The following PLAGL1 variants were observed in gnomAD, a reference collection of about 807,000 sequenced individuals.
The protein encoded by PLAGL1 is zinc finger protein PLAGL1.
Under a neutral mutation model 4.6 loss-of-function variants are expected in PLAGL1, and 1 was observed. That is an observed-to-expected ratio of 0.22 (90% CI 0.08 to 1.03). The LOEUF (loss-of-function observed/expected upper bound fraction) is 1.03. Among genes scored for constraint, PLAGL1 ranks in the 50% least tolerant of loss-of-function variants. The pLI is 0.58. For missense variants in PLAGL1, 464 were observed against 570.4 expected (o/e 0.81, Z 1.90); for synonymous variants, 240 against 237.8 (o/e 1.01, Z -0.08).
rs1313359179 is a variant in PLAGL1, at chr6:143,963,536, C to A, written c.-399+1251G>T. ...CAACCGCATGAGTAGGTAGCATTAA[C>A]CCTATTTGATTAATGGGGAAAGTAA... On this transcript the variant is annotated intron_variant, in intron 5 of 7. Coordinates refer to ENST00000674357, the MANE Select transcript of PLAGL1 (RefSeq NM_001317162.2). The surrounding 1 kb of genome is among the most constrained non-coding windows in gnomAD (Gnocchi z 6.1). Among the ~76,000 whole-genome samples the A allele has an allele frequency of 1.3e-5, 2 of 152,154 alleles. No homozygotes were observed. The highest frequency in any genetic ancestry group is 1.5e-5 in the Non-Finnish European group (1 of 68,032).
intron 1 of PLAGL1, among the ~76,000 whole-genome samples, chr6:144,032,191 G>T (rs112589875): frequency 8.0e-4 from 120 of 150,894 alleles, no homozygotes; most frequent in African/African-American, 2.7e-3. Context: ...CACAATCACA[G>T]CTCACTGCAG....
intron 1 of PLAGL1, among the ~76,000 whole-genome samples, chr6:144,040,433 G>A (rs867243659): frequency 6.6e-6 from 1 of 151,930 alleles, no homozygotes; most frequent in Non-Finnish European, 1.5e-5. Flanking sequence ...GGAGGCTGAG[G>A]CAGGCAAATC....
rs765167186 is a variant in PLAGL1 at position 144,006,368 on chromosome 6, C to T, written c.-584+1722G>A. 3.3e-5 allele frequency: 5 copies of T among 152,170 alleles called. No individual in the cohort carries two copies. Among genetic ancestry groups the T allele is most frequent in the East Asian group, 1.9e-4 (1 of 5,200 alleles). The allele number at this position is 152,170 out of a possible 1,614,324, so 9.4% of individuals were successfully genotyped here. A position where few individuals can be genotyped will look rare whatever the true frequency, so the allele number is the denominator to read the frequency against. ...TTAACAAAGAGTTACAAAGCAAACA[C>T]CCATGTAACCATTGCACAGGTCAGG... On this transcript the variant is annotated intron_variant, in intron 1 of 7. Transcript: ENST00000674357. The surrounding 1 kb of genome is among the most constrained non-coding windows in gnomAD (Gnocchi z 4.3).
chr6:144,041,297 A>G (rs184144711), intron 1 of PLAGL1, among the ~76,000 whole-genome samples: 2 of 152,196 alleles, frequency 1.3e-5, no homozygotes, highest in Non-Finnish European at 2.9e-5. Flanking sequence ...CTCATCATTT[A>G]CATTAGGTAT....
Position 143,952,197 on chromosome 6 carries a change from C to G in PLAGL1, c.-324-3737G>C, listed in dbSNP as rs1459513636. On this transcript the variant is annotated intron_variant, in intron 6 of 7. Coordinates refer to ENST00000674357, the MANE Select transcript of PLAGL1 (RefSeq NM_001317162.2). This position sits in a 1 kb window ranked among gnomAD's most constrained non-coding sequence, Gnocchi z 6.1. Reference sequence around the variant, plus strand: ...GTTCAAAGGCTGTTTACTGATGAGTCCAATCTTTGGTTGAAACCCAATGCA... The same window carrying G: ...GTTCAAAGGCTGTTTACTGATGAGTGCAATCTTTGGTTGAAACCCAATGCA... 6.6e-6 allele frequency among the ~76,000 whole-genome samples: 1 copy of G among 152,170 alleles called. No individual in the cohort carries two copies. The highest frequency in any genetic ancestry group is 1.9e-4 in the East Asian group (1 of 5,196).
In PLAGL1 at chr6:144,061,720, A is replaced by T. The variant is rs1799419507; in HGVS notation, c.-151+2748T>A. Among the ~76,000 whole-genome samples the T allele has an allele frequency of 6.6e-6, 1 of 152,166 alleles. No individual in the cohort carries two copies. Among genetic ancestry groups the T allele is most frequent in the African/African-American group, 2.4e-5 (1 of 41,438 alleles). ...AGGAAGAAGTTGGCAGCCAGATTTG[A>T]TTCACTTATTCCTTTTCTACTCCCC... On this transcript the variant is annotated intron_variant, in intron 1 of 3. Coordinates refer to the PLAGL1 transcript ENST00000437412. This position sits in a 1 kb window ranked among gnomAD's most constrained non-coding sequence, Gnocchi z 4.4.
upstream of PLAGL1, among the ~76,000 whole-genome samples, chr6:144,011,457 A>G (rs771289981): frequency 1.1e-4 from 16 of 152,282 alleles, no homozygotes; most frequent in Non-Finnish European, 1.8e-4. This position sits in a 1 kb window ranked among gnomAD's most constrained non-coding sequence, Gnocchi z 4.3. Context: ...CTGCTTGGAT[A>G]CCTGAAGAAT....
rs1213355605 is a variant in PLAGL1, at chr6:143,953,646, G to A, written c.-324-5186C>T. ...AAAATTCTACTAAAACAGTAATAGTGGGATTTTTCTAAAACACAGCCTAAT... is the reference window on the plus strand; with the variant it reads ...AAAATTCTACTAAAACAGTAATAGTAGGATTTTTCTAAAACACAGCCTAAT... On this transcript the variant is annotated intron_variant, in intron 6 of 7. Transcript: ENST00000674357. The surrounding 1 kb of genome is among the most constrained non-coding windows in gnomAD (Gnocchi z 5.3). Among the ~76,000 whole-genome samples, 3 of 152,158 alleles carry A rather than the reference G, an allele frequency of 2.0e-5. No homozygotes were observed. Among genetic ancestry groups the A allele is most frequent in the African/African-American group, 7.2e-5 (3 of 41,430 alleles).
intron 1 of PLAGL1, among the ~76,000 whole-genome samples, chr6:144,033,564 A>G (rs1051526603): frequency 6.6e-6 from 1 of 152,208 alleles, no homozygotes; most frequent in Non-Finnish European, 1.5e-5. Flanking sequence ...ACACATTACT[A>G]GAAACTGCAG....
At chr6:144,013,108 T>C (rs1428158474), upstream of PLAGL1, among the ~76,000 whole-genome samples, 1 of 152,238 alleles carries the variant, frequency 6.6e-6, no homozygotes, top group East Asian at 1.9e-4. This position sits in a 1 kb window ranked among gnomAD's most constrained non-coding sequence, Gnocchi z 4.4. Context: ...ACAAATTCCA[T>C]AATCACACTT....
rs1787313646 is a variant in PLAGL1 at position 143,979,080 on chromosome 6, T to A, written c.-544+6055A>T. On this transcript the variant is annotated intron_variant, in intron 2 of 7. Coordinates refer to ENST00000674357, the MANE Select transcript of PLAGL1 (RefSeq NM_001317162.2). This position sits in a 1 kb window ranked among gnomAD's most constrained non-coding sequence, Gnocchi z 4.6. ...TCTTTGTTCTAATTTCTACTTTGTCTAATATGAATACAGTCACCACAGTTT... is the reference window on the plus strand; with the variant it reads ...TCTTTGTTCTAATTTCTACTTTGTCAAATATGAATACAGTCACCACAGTTT... 6.6e-6 allele frequency among the ~76,000 whole-genome samples: 1 copy of A among 152,202 alleles called. No homozygotes were observed. The highest frequency in any genetic ancestry group is 1.5e-5 in the Non-Finnish European group (1 of 68,008).
At chr6:144,040,141 A>G (rs1240689962) in intron 1 of PLAGL1, among the ~76,000 whole-genome samples, 3 of 152,180 alleles carry the variant, frequency 2.0e-5, no homozygotes, top group Non-Finnish European at 4.4e-5. Context: ...CCTACAGGGA[A>G]CTCCAAAGTT....
In PLAGL1 at chr6:143,942,753, G is replaced by GT; in HGVS notation, c.153-91dup. 1 of 897,342 alleles carries GT rather than the reference G, an allele frequency of 1.1e-6. No homozygotes were observed. Among genetic ancestry groups the GT allele is most frequent in the Non-Finnish European group, 1.7e-6 (1 of 602,204 alleles). The allele number at this position is 897,342 out of a possible 1,614,324, so 55.6% of individuals were successfully genotyped here. A position where few individuals can be genotyped will look rare whatever the true frequency, so the allele number is the denominator to read the frequency against. ...ACAATATTATATCAAAATGTTAATA[G>GT]TTTTCTCTGGGTCTTGGTATAATTT... On this transcript the variant is annotated intron_variant, in intron 7 of 7. Coordinates refer to ENST00000674357, the MANE Select transcript of PLAGL1 (RefSeq NM_001317162.2). The surrounding 1 kb of genome is among the most constrained non-coding windows in gnomAD (Gnocchi z 7.6).
At chr6:144,062,602 A>T (rs946338070) in intron 1 of PLAGL1, among the ~76,000 whole-genome samples, 1 of 151,838 alleles carries the variant, frequency 6.6e-6, no homozygotes, top group Admixed American at 6.6e-5. Context: ...TTTCCCCCCA[A>T]ACCTAGGGAG....
rs140063726 is a variant in PLAGL1 at position 143,976,253 on chromosome 6, T to A, written c.-543-7275A>T. Among the ~76,000 whole-genome samples, 5 of 149,998 alleles carry A rather than the reference T, an allele frequency of 3.3e-5. No individual in the cohort carries two copies. In the East Asian group the frequency reaches 9.9e-4, roughly 30 times the overall value. On this transcript the variant is annotated intron_variant, in intron 2 of 7. Transcript: ENST00000674357. Reference sequence around the variant, plus strand: ...TAGTACAGACGTACTTCTGGAATATTCCTGGTCGCCCTTGAGCCTGAGATT... The same window carrying A: ...TAGTACAGACGTACTTCTGGAATATACCTGGTCGCCCTTGAGCCTGAGATT...
intron 7 of PLAGL1, among the ~76,000 whole-genome samples, chr6:143,946,616 G>C (rs1045568687): frequency 1.3e-5 from 2 of 152,070 alleles, no homozygotes; most frequent in Non-Finnish European, 2.9e-5. Context: ...TATTCTTAAG[G>C]GCCAGGAGCA....
upstream of PLAGL1, among the ~76,000 whole-genome samples, chr6:144,010,971 A>C (rs943004530): frequency 1.3e-5 from 2 of 152,216 alleles, no homozygotes; most frequent in Non-Finnish European, 2.9e-5. The surrounding 1 kb of genome is among the most constrained non-coding windows in gnomAD (Gnocchi z 4.1). Flanking sequence ...TGGACTAAAG[A>C]CTTAAAACAT....
chr6:143,998,482 A>G (rs1583557180), intron 1 of PLAGL1, among the ~76,000 whole-genome samples: 1 of 152,224 alleles, frequency 6.6e-6, no homozygotes, highest in African/African-American at 2.4e-5. Context: ...ACAATTTAAA[A>G]GAGATAATAA....
Position 144,002,905 on chromosome 6 carries a change from A to C in PLAGL1, c.-584+5185T>G, listed in dbSNP as rs896736823. ...AGGCTTTTTTTTTTTTTTTTAATGG[A>C]CATTGACAAGCACATTTGAAAATTT... On this transcript the variant is annotated intron_variant, in intron 1 of 7. Transcript: ENST00000674357. Among the ~76,000 whole-genome samples, 7 of 145,712 alleles carry C rather than the reference A, an allele frequency of 4.8e-5. No individual in the cohort carries two copies. The East Asian group carries it at 1.4e-3, about 29-fold the overall frequency.
Sources: gnomAD v4.1 joint callset for allele counts (sites outside exome capture counted in the v4.1 genomes callset) on GRCh38, gnomAD v4.1.1 for gene constraint, Gnocchi (gnomAD v3.1) non-coding constraint, MANE v1.5 for transcripts, NCBI Gene and HGNC (gene_info 2026-07-23, HGNC 2026-07-21) for gene names.